Variants in ARHGEF3 observed in about 807,000 individuals in gnomAD.
ARHGEF3 encodes 59.8 kDA protein.
A neutral mutation model predicts 63.2 loss-of-function variants in ARHGEF3; 28 were observed. That is an observed-to-expected ratio of 0.44 (90% CI 0.33 to 0.61). The LOEUF (loss-of-function observed/expected upper bound fraction) is 0.61. Among genes scored for constraint, ARHGEF3 ranks in the 20% least tolerant of loss-of-function variants. ARHGEF3 has a pLI of 0.03. For synonymous variants in ARHGEF3, 266 were observed against 254.2 expected, an observed-to-expected ratio of 1.05 and a Z score of -0.44; for missense variants, 533 against 659.3, an observed-to-expected ratio of 0.81 and a Z score of 2.10.
chr3:56,811,368 G>A (rs1218648711), intron 4 of ARHGEF3, among the ~76,000 whole-genome samples: 1 of 152,072 alleles, frequency 6.6e-6, no homozygotes, highest in Non-Finnish European at 1.5e-5. Context: ...ACCTAGGGCT[G>A]GGGCTGGGGC....
intron 4 of ARHGEF3, among the ~76,000 whole-genome samples, chr3:56,845,540 T>G (rs985894583): frequency 6.6e-6 from 1 of 152,224 alleles, no homozygotes; most frequent in Non-Finnish European, 1.5e-5. Context: ...CTATATTTTG[T>G]GTTTCTTTGT....
intron 2 of ARHGEF3, among the ~76,000 whole-genome samples, chr3:56,984,683 T>G (rs1222306170): frequency 6.6e-6 from 1 of 152,238 alleles, no homozygotes; most frequent in Non-Finnish European, 1.5e-5. Context: ...AAAGTTCATT[T>G]TTAACTGCCA....
intron 3 of ARHGEF3, among the ~76,000 whole-genome samples, chr3:56,924,972 C>A (rs2042239621): frequency 6.6e-6 from 1 of 152,240 alleles, no homozygotes; most frequent in Non-Finnish European, 1.5e-5. Context: ...CCCTACCTGG[C>A]TAGCTTTGGG....
intron 2 of ARHGEF3, 101 bp downstream of exon 2, chr3:56,773,608 C>G (rs1373855993): frequency 1.0e-6 from 1 of 994,884 alleles, no homozygotes; most frequent in Non-Finnish European, 1.4e-6. Context: ...AGCATTGATT[C>G]AGGTCACTTT....
At chr3:56,741,216 G>A (rs1226878754) in intron 7 of ARHGEF3, among the ~76,000 whole-genome samples, 6 of 113,756 alleles carry the variant, frequency 5.3e-5, no homozygotes, top group Non-Finnish European at 8.4e-5. Context: ...ACTGAGTTTC[G>A]CTCTTGTTGC....
intron 2 of ARHGEF3, among the ~76,000 whole-genome samples, chr3:56,765,855 A>C (rs2035676225): frequency 6.6e-6 from 1 of 152,210 alleles, no homozygotes; most frequent in African/African-American, 2.4e-5. Flanking sequence ...AGTATAACAG[A>C]AATATATAAT....
chr3:56,952,335 C>A (rs1699851334), intron 3 of ARHGEF3, among the ~76,000 whole-genome samples: 1 of 152,160 alleles, frequency 6.6e-6, no homozygotes, highest in Admixed American at 6.5e-5. Context: ...CCACAAGGAA[C>A]TGAATTCTTC....
intron 4 of ARHGEF3, among the ~76,000 whole-genome samples, chr3:56,845,742 T>C (rs1398370452): frequency 6.6e-6 from 1 of 152,206 alleles, no homozygotes; most frequent in Non-Finnish European, 1.5e-5. Flanking sequence ...AATCAGATCA[T>C]ATCCTTCTTC....
At chr3:57,042,889 A>G (rs1160103435) in intron 1 of ARHGEF3, among the ~76,000 whole-genome samples, 3 of 150,570 alleles carry the variant, frequency 2.0e-5, no homozygotes, top group Admixed American at 6.7e-5. Flanking sequence ...AGTACAGACG[A>G]GGTTTCACCA....
intron 2 of ARHGEF3, 139 bp from the exon 3 acceptor site, chr3:56,755,290 TG>T (rs2035003299): frequency 1.0e-6 from 1 of 969,456 alleles, no homozygotes; most frequent in African/African-American, 1.6e-5. Context: ...CTTTGGGAAG[TG>T]GGGCATTGTC....
chr3:57,016,677 C>T (rs1703019041), intron 2 of ARHGEF3, among the ~76,000 whole-genome samples: 2 of 152,168 alleles, frequency 1.3e-5, no homozygotes, highest in African/African-American at 4.8e-5. Flanking sequence ...GGAAAATTTA[C>T]ATCAGCTGGT....
chr3:56,775,816 A>ACC, intron 1 of ARHGEF3: 1 of 326,600 alleles, frequency 3.1e-6, no homozygotes, highest in Non-Finnish European at 4.4e-6. Context: ...ACACACACAC[A>ACC]CACACTGCCT....
intron 3 of ARHGEF3, among the ~76,000 whole-genome samples, chr3:56,919,710 T>C (rs1354036): frequency 0.28 from 42,423 of 152,226 alleles, 6,602 homozygotes; most frequent in Middle Eastern, 0.35. Context: ...AAGGATTTTT[T>C]ATGTTTTAAT....
chr3:56,856,861 A>G lies in ARHGEF3; in HGVS notation c.192+25431T>C, dbSNP rs150803871. ...CCCAAGATGAACCAACTTACTCTTC[A>G]TAATCTAAGTAAGGTCTAAGCAATG... On this transcript the variant is annotated intron_variant, in intron 4 of 12. Transcript: ENST00000338458. 4.7e-3 allele frequency among the ~76,000 whole-genome samples: 717 copies of G among 151,874 alleles called. 6 individuals carry two copies. The highest frequency in any genetic ancestry group is 0.016 in the African/African-American group (657 of 41,438).
chr3:56,802,305 C>T (rs1206254647), upstream of ARHGEF3, among the ~76,000 whole-genome samples: 1 of 152,132 alleles, frequency 6.6e-6, no homozygotes, highest in Non-Finnish European at 1.5e-5. Context: ...TGTAGTGACA[C>T]CTGGAGGCAG....
At chr3:56,924,638 G>A (rs144089593) in intron 3 of ARHGEF3, among the ~76,000 whole-genome samples, 32 of 152,324 alleles carry the variant, frequency 2.1e-4, no homozygotes, top group Admixed American at 5.9e-4. Flanking sequence ...ACTTCCTGAC[G>A]TTGCCAAGGC....
intron 3 of ARHGEF3, among the ~76,000 whole-genome samples, chr3:56,920,010 C>A (rs531330771): frequency 5.9e-5 from 9 of 152,156 alleles, no homozygotes; most frequent in Non-Finnish European, 1.0e-4. Context: ...AGAGAAGGAT[C>A]GCTAACAATG....
intron 3 of ARHGEF3, among the ~76,000 whole-genome samples, chr3:56,885,231 C>T (rs1218689814): frequency 6.6e-6 from 1 of 152,112 alleles, no homozygotes; most frequent in Non-Finnish European, 1.5e-5. Flanking sequence ...TGGGAGGCTA[C>T]AGTATTATAC....
intron 3 of ARHGEF3, among the ~76,000 whole-genome samples, chr3:56,952,158 G>A (rs928063408): frequency 5.3e-5 from 8 of 151,988 alleles, no homozygotes; most frequent in Admixed American, 2.6e-4. Flanking sequence ...TTAGTCTGAT[G>A]AGCCCTTAAA....
Sources: allele counts gnomAD v4.1 joint callset (sites outside exome capture counted in the v4.1 genomes callset), GRCh38; gene constraint gnomAD v4.1.1; transcripts MANE v1.5; gene names NCBI Gene and HGNC (gene_info 2026-07-23, HGNC 2026-07-21).